Variants in MLXIP observed in about 807,000 individuals in gnomAD.
The protein encoded by MLXIP is MLX interacting protein, also known as MLX-interacting protein.
A neutral mutation model predicts 87.2 loss-of-function variants in MLXIP; 30 were observed. The ratio of observed to expected loss-of-function variants is 0.34; its 90% CI spans 0.26 to 0.47. The LOEUF (loss-of-function observed/expected upper bound fraction) is 0.47, where lower values mean the gene tolerates loss of function less well. Ranked by LOEUF, MLXIP falls within the 20% of genes least tolerant of loss-of-function variation. The probability of loss-of-function intolerance (pLI) is 1.00; values close to 1 mark genes in which losing one functional copy is unlikely to be tolerated. For missense variants in MLXIP, 1,002 were observed against 1,240.1 expected (o/e 0.81, Z 2.88); for synonymous variants, 530 against 514.0 (o/e 1.03, Z -0.42).
At chr12:122,096,911 G>A (rs1317843441) in intron 1 of MLXIP, among the ~76,000 whole-genome samples, 3 of 152,230 alleles carry the variant, frequency 2.0e-5, no homozygotes, top group Admixed American at 6.5e-5. Context: ...GGAATGCTGC[G>A]GGTACATGTC....
Position 122,135,108 on chromosome 12 carries a change from T to C in MLXIP, c.1733-116T>C, listed in dbSNP as rs1438742013. 6 of 1,353,602 alleles carry C rather than the reference T, an allele frequency of 4.4e-6. No homozygotes were observed. Among genetic ancestry groups the C allele is most frequent in the Non-Finnish European group, 6.2e-6 (6 of 971,978 alleles). 83.8% of individuals were successfully genotyped at this position (1,353,602 alleles called of 1,614,324 possible). On this transcript the variant is annotated intron_variant, in intron 9 of 16. Transcript: ENST00000319080. The surrounding 1 kb of genome is among the most constrained non-coding windows in gnomAD (Gnocchi z 5.3). ...TTTTAGGTGCCTTGGTGGCTTTGTCTTCCTGTCCCCTGGGGTTGAGAACAA... is the reference window on the plus strand; with the variant it reads ...TTTTAGGTGCCTTGGTGGCTTTGTCCTCCTGTCCCCTGGGGTTGAGAACAA...
chr12:122,118,420 C>G (rs965674605), intron 1 of MLXIP, among the ~76,000 whole-genome samples: 1 of 152,198 alleles, frequency 6.6e-6, no homozygotes, highest in Non-Finnish European at 1.5e-5. Flanking sequence ...TCACTGGACC[C>G]CTTGCTTCTC....
At chr12:122,124,848 TG>T (rs1187391999) in intron 1 of MLXIP, among the ~76,000 whole-genome samples, 1 of 151,966 alleles carries the variant, frequency 6.6e-6, no homozygotes, top group Non-Finnish European at 1.5e-5. Flanking sequence ...CTGACGAACG[TG>T]GTAAAACCCT....
chr12:122,111,863 T>G (rs1415178492), intron 1 of MLXIP, among the ~76,000 whole-genome samples: 2 of 152,218 alleles, frequency 1.3e-5, no homozygotes, highest in Non-Finnish European at 2.9e-5. Flanking sequence ...TTCCTTAATT[T>G]GGTATGGTGA....
chr12:122,088,514 A>C (rs973955623), intron 1 of MLXIP, among the ~76,000 whole-genome samples: 1 of 152,178 alleles, frequency 6.6e-6, no homozygotes, highest in African/African-American at 2.4e-5. Context: ...GGAAGTAAGC[A>C]TGAAGAATCC....
In MLXIP at chr12:122,144,445, T is replaced by C. The variant is rs963785179; in HGVS notation, c.*2633T>C. The stretch of plus-strand genomic sequence containing the variant: ...AAAAAAAAAAAAAAAAAAAAAAATT[T>C]AGCCGTGTGTAGCAGTGAGTGCCTG... On this transcript the variant is annotated 3_prime_UTR_variant, in exon 17 of 17. Transcript: ENST00000319080. 2.0e-5 allele frequency: 3 copies of C among 150,914 alleles called. No individual in the cohort carries two copies. The highest frequency in any genetic ancestry group is 7.3e-5 in the African/African-American group (3 of 41,016). 9.3% of individuals were successfully genotyped at this position (150,914 alleles called of 1,614,324 possible). A position where few individuals can be genotyped will look rare whatever the true frequency, so the allele number is the denominator to read the frequency against.
chr12:122,131,081 T>G (rs1952969734), intron 7 of MLXIP, 148 bp downstream of exon 7: 1 of 605,560 alleles, frequency 1.7e-6, no homozygotes, highest in African/African-American at 1.8e-5. Flanking sequence ...AACTGTTTTT[T>G]GTAGTAACTG....
At chr12:122,114,764 G>GT (rs1952663450) in intron 1 of MLXIP, among the ~76,000 whole-genome samples, 27 of 150,834 alleles carry the variant, frequency 1.8e-4, no homozygotes, top group African/African-American at 6.1e-4. Flanking sequence ...TTGGTGGGGG[G>GT]GGACAGGGTC....
chr12:122,120,657 A>G (rs28461580), intron 1 of MLXIP, among the ~76,000 whole-genome samples: 76,715 of 152,028 alleles, frequency 0.5, 19,862 homozygotes, highest in Middle Eastern at 0.64. Flanking sequence ...TATTACCTTT[A>G]TTGTTGACCA....
In MLXIP at chr12:122,127,906, G is replaced by A. The variant is rs762555531; in HGVS notation, c.544G>A (p.Val182Met). The change falls in exon 3 of 17, where the codon GTG becomes ATG. Residue 182 changes from valine to methionine, a missense_variant. By Grantham distance (21) the Val-to-Met change is conservative. Around this residue, in one of 3 missense-constraint regions of MLXIP, gnomAD observed 127 missense variants for 239.0 expected, o/e 0.53. Transcript: ENST00000319080. ...AGATCTGGAGAAGCGCAAGAATCCT[G>A]TGTGCCACTTTGTGACACCCCTGGA... ...MQYLEKRKNP[V>M]CHFVTPLDGS... is the part of the protein sequence containing the mutation. 6.2e-7 allele frequency: 1 copy of A among 1,613,816 alleles called. No individual in the cohort carries two copies. The highest frequency in any genetic ancestry group is 2.2e-5 in the East Asian group (1 of 44,880).
chr12:122,129,669 A>T (rs377633494), intron 5 of MLXIP, 40 bp downstream of exon 5: 3 of 1,608,074 alleles, frequency 1.9e-6, no homozygotes, highest in Non-Finnish European at 2.5e-6. Flanking sequence ...CCACTTTGAC[A>T]TGAGACAGCA....
chr12:122,132,498 GCCAAGCAGTGCTAGACCAGCAC>G, intron 8 of MLXIP, 115 bp downstream of exon 8: 1 of 791,222 alleles, frequency 1.3e-6, no homozygotes, highest in Non-Finnish European at 2.1e-6. Context: ...CCAGCAAAGC[GCCAAGCAGTGCTAGACCAGCAC>G]TAATGTGCAG....
Position 122,144,438 on chromosome 12 carries a change from A to G in MLXIP, c.*2626A>G, listed in dbSNP as rs1183555186. The G allele has an allele frequency of 7.0e-6, 1 of 142,038 alleles. No homozygotes were observed. Among genetic ancestry groups the G allele is most frequent in the Admixed American group, 7.0e-5 (1 of 14,310 alleles). 8.8% of individuals were successfully genotyped at this position (142,038 alleles called of 1,614,324 possible). ...CTCTACAAAAAAAAAAAAAAAAAAA[A>G]AAAATTTAGCCGTGTGTAGCAGTGA... On this transcript the variant is annotated 3_prime_UTR_variant, in exon 17 of 17. Coordinates refer to ENST00000319080, the MANE Select transcript of MLXIP (RefSeq NM_014938.6).
chr12:122,090,053 A>G (rs1477155898), intron 1 of MLXIP, among the ~76,000 whole-genome samples: 1 of 152,222 alleles, frequency 6.6e-6, no homozygotes, highest in Non-Finnish European at 1.5e-5. Flanking sequence ...GACTGGAGTC[A>G]TGGTTACCAA....
In MLXIP at chr12:122,129,242, G is replaced by GT; in HGVS notation, c.696+18dup. ...CAAGAAAAGGGTATCTGGCTGGAGT[G>GT]TTCAGGCAGCCCGCCTAGGGAGGGA... On this transcript the variant is annotated intron_variant, in intron 4 of 16. Transcript: ENST00000319080. 4 of 1,593,300 alleles carry GT rather than the reference G, an allele frequency of 2.5e-6. No homozygotes were observed. The South Asian group carries it at 4.5e-5, about 18-fold the overall frequency.
chr12:122,086,907 GC>G (rs1952176122), intron 1 of MLXIP, among the ~76,000 whole-genome samples: 1 of 152,180 alleles, frequency 6.6e-6, no homozygotes, highest in African/African-American at 2.4e-5. Flanking sequence ...CGTCTTTGCA[GC>G]CCTGCTTCTT....
At chr12:122,094,392 TTGG>T (rs1449045962) in intron 1 of MLXIP, among the ~76,000 whole-genome samples, 1 of 128,830 alleles carries the variant, frequency 7.8e-6, no homozygotes, top group African/African-American at 2.8e-5. Flanking sequence ...CTGTGTGGTG[TTGG>T]TGTGTGGTGT....
chr12:122,139,261 A>T (rs1953153664), intron 15 of MLXIP, among the ~76,000 whole-genome samples: 1 of 152,188 alleles, frequency 6.6e-6, no homozygotes, highest in Non-Finnish European at 1.5e-5. Context: ...GCATGGTTCC[A>T]CACAGCCTGG....
At position 122,086,671 on chromosome 12, in the gene MLXIP, GT is replaced by G. The variant is rs1301362446; in HGVS notation, c.413+7410del. Among the ~76,000 whole-genome samples, 9 of 152,238 alleles carry G rather than the reference GT, an allele frequency of 5.9e-5. No individual in the cohort carries two copies. In the East Asian group the frequency reaches 1.7e-3, roughly 29 times the overall value. On this transcript the variant is annotated intron_variant, in intron 1 of 16. Transcript: ENST00000319080. ...TTAGAATTCAGGCCACAGGGTGTGT[GT>G]TTTTGGCAGAGTTCTCTAGCCGCGT...
Sources: allele counts gnomAD v4.1 joint callset (sites outside exome capture counted in the v4.1 genomes callset), GRCh38; gene constraint gnomAD v4.1.1; regional missense constraint gnomAD v4.1.1; non-coding constraint Gnocchi (gnomAD v3.1); transcripts MANE v1.5; gene names NCBI Gene and HGNC (gene_info 2026-07-23, HGNC 2026-07-21).